The following ZEB2 variants were observed in gnomAD, a reference collection of about 807,000 sequenced individuals.
The protein encoded by ZEB2 is zinc finger E-box binding homeobox 2, also known as zinc finger E-box-binding homeobox 2.
Under a neutral mutation model 99.9 loss-of-function variants are expected in ZEB2, and 6 were observed. That is an observed-to-expected ratio of 0.06 (90% confidence interval 0.03 to 0.12). The LOEUF is 0.12. Among genes scored for constraint, ZEB2 ranks in the 10% least tolerant of loss-of-function variants. The pLI is 1.00. For missense variants in ZEB2, 969 were observed against 1,502.8 expected, an observed-to-expected ratio of 0.64 and a Z score of 5.87; for synonymous variants, 517 against 542.5, an observed-to-expected ratio of 0.95 and a Z score of 0.65.
chr2:144,394,989 CTTTTT>C (rs869207772), intron 9 of ZEB2, among the ~76,000 whole-genome samples: 1,804 of 85,214 alleles, frequency 0.021, 9 homozygotes, highest in Middle Eastern at 0.074. Context: ...CTTCCCTTCG[CTTTTT>C]TTTTTTTTTT....
In ZEB2 at chr2:144,399,695, G is replaced by T; in HGVS notation, c.1492C>A (p.Pro498Thr). 6.2e-7 allele frequency: 1 copy of T among 1,614,176 alleles called. No homozygotes were observed. The highest frequency in any genetic ancestry group is 8.5e-7 in the Non-Finnish European group (1 of 1,180,028). ...GGAGAAGTAACTCCTTGTTCCTCAGGTTGAGAGCATGGATCCTTCATGTGA... is the reference window on the plus strand; with the variant it reads ...GGAGAAGTAACTCCTTGTTCCTCAGTTTGAGAGCATGGATCCTTCATGTGA... ...GYHMKDPCSQ[P>T]EEQGVTSPNI... The change falls in exon 8 of 10, where the codon CCT becomes ACT. Residue 498 changes from proline to threonine, a missense_variant. Transcript: ENST00000627532. The surrounding 1 kb of genome is among the most constrained non-coding windows in gnomAD (Gnocchi z 5.6).
intron 2 of ZEB2, among the ~76,000 whole-genome samples, chr2:144,503,492 G>A (rs1232797878): frequency 2.0e-5 from 3 of 152,076 alleles, no homozygotes; most frequent in East Asian, 1.9e-4. Context: ...GCTAGAAAAC[G>A]GTTTGAAAGC....
At chr2:144,418,709 A>C (rs1005303047) in intron 4 of ZEB2, among the ~76,000 whole-genome samples, 3 of 144,312 alleles carry the variant, frequency 2.1e-5, no homozygotes, top group African/African-American at 7.6e-5. Context: ...AAACAAACAA[A>C]AAAAAAAAAA....
At chr2:144,432,983 G>A (rs896596618) in intron 2 of ZEB2, among the ~76,000 whole-genome samples, 10 of 152,178 alleles carry the variant, frequency 6.6e-5, no homozygotes, top group Admixed American at 4.6e-4. Flanking sequence ...CCCATATAAC[G>A]TAGCAAAGTT....
chr2:144,385,807 T>C lies in ZEB2; in HGVS notation c.*3644A>G, dbSNP rs994056865. On this transcript the variant is annotated 3_prime_UTR_variant, in exon 10 of 10. Coordinates refer to ENST00000627532, the MANE Select transcript of ZEB2 (RefSeq NM_014795.4). ...TTGCTTTTATTAAGGCTTACATTAT[T>C]AGAAAGATAAAAAATGACCTTTTTA... is the stretch of plus-strand genomic sequence containing the variant. 1.3e-5 allele frequency: 2 copies of C among 152,200 alleles called. No homozygotes were observed. The highest frequency in any genetic ancestry group is 4.8e-5 in the African/African-American group (2 of 41,468). The allele number at this position is 152,200 out of a possible 1,614,324, so 9.4% of individuals were successfully genotyped here. A position where few individuals can be genotyped will look rare whatever the true frequency, so the allele number is the denominator to read the frequency against.
At chr2:144,487,501 G>C (rs1573793425) in intron 2 of ZEB2, among the ~76,000 whole-genome samples, 1 of 151,686 alleles carries the variant, frequency 6.6e-6, no homozygotes, top group East Asian at 1.9e-4. Flanking sequence ...AAAAGGGAAA[G>C]GTAAAGAAAT....
At chr2:144,511,571 T>C (rs1376792195) in intron 2 of ZEB2, 28 of 1,279,886 alleles carry the variant, frequency 2.2e-5, no homozygotes, top group Non-Finnish European at 2.5e-5. Flanking sequence ...GAAGAAATAC[T>C]TGGATCTTAC....
At position 144,386,452 on chromosome 2, in the gene ZEB2, A is replaced by C. The variant is rs541917502; in HGVS notation, c.*2999T>G. ...GTCACAATTCACAAGTGTTATCCTG[A>C]TATTTTCAGACTCAGGTATTCTGAG... On this transcript the variant is annotated 3_prime_UTR_variant, in exon 10 of 10. Transcript: ENST00000627532. 1 of 152,282 alleles carries C rather than the reference A, an allele frequency of 6.6e-6. No homozygotes were observed. The highest frequency in any genetic ancestry group is 2.1e-4 in the South Asian group (1 of 4,818). 9.4% of individuals were successfully genotyped at this position (152,282 alleles called of 1,614,324 possible).
intron 4 of ZEB2, among the ~76,000 whole-genome samples, chr2:144,410,473 C>T (rs1159620864): frequency 6.6e-6 from 1 of 152,134 alleles, no homozygotes; most frequent in Non-Finnish European, 1.5e-5. Flanking sequence ...GCCTAAAATT[C>T]AAGCGATGTT....
chr2:144,432,395 A>C (rs1299384936), intron 2 of ZEB2, among the ~76,000 whole-genome samples: 1 of 152,180 alleles, frequency 6.6e-6, no homozygotes, highest in Non-Finnish European at 1.5e-5. Context: ...TCCATATGCC[A>C]TTATGCTGGT....
At chr2:144,445,832 G>A (rs1039129319) in intron 2 of ZEB2, among the ~76,000 whole-genome samples, 9 of 152,114 alleles carry the variant, frequency 5.9e-5, no homozygotes, top group Middle Eastern at 3.2e-3. Context: ...AGTATTCCTA[G>A]GACTTTCCAC....
At chr2:144,433,349 A>T (rs1042418396) in intron 2 of ZEB2, among the ~76,000 whole-genome samples, 3 of 152,188 alleles carry the variant, frequency 2.0e-5, no homozygotes, top group Non-Finnish European at 4.4e-5. Flanking sequence ...ATGCACCTAT[A>T]ATTATATACA....
intron 2 of ZEB2, among the ~76,000 whole-genome samples, chr2:144,455,400 T>C (rs1704108334): frequency 6.6e-6 from 1 of 152,158 alleles, no homozygotes; most frequent in African/African-American, 2.4e-5. Context: ...TCCATAGTAA[T>C]GTAGGTAAAA....
chr2:144,396,556 C>T lies in ZEB2; in HGVS notation c.2923G>A (p.Gly975Ser). Reference protein sequence around the residue: ...LLDGAQDYMSGLDDMTDSDSC... With the variant: ...LLDGAQDYMSSLDDMTDSDSC... ...TCGGAGTCTGTCATATCATCTAGGC[C>T]TGACATGTAGTCTTGTGCTCCATCA... Residue 975 changes from glycine (G) to serine (S), a missense_variant, in exon 9 of 10, where the codon GGC becomes AGC. By Grantham distance (56) the Gly-to-Ser change is moderately conservative (BLOSUM62 0). Around this residue, in one of 8 missense-constraint regions of ZEB2, gnomAD observed 346 missense variants for 460.0 expected, o/e 0.75. Coordinates refer to ENST00000627532, the MANE Select transcript of ZEB2 (RefSeq NM_014795.4). 1.9e-6 allele frequency: 3 copies of T among 1,613,978 alleles called. No homozygotes were observed. Among genetic ancestry groups the T allele is most frequent in the Non-Finnish European group, 2.5e-6 (3 of 1,179,984 alleles).
At chr2:144,408,206 T>C (rs182571508) in intron 4 of ZEB2, among the ~76,000 whole-genome samples, 3 of 152,324 alleles carry the variant, frequency 2.0e-5, no homozygotes, top group Admixed American at 6.5e-5. Context: ...ATTGAATATA[T>C]TGCCTAGAAA....
chr2:144,415,640 C>T (rs1339588236), intron 4 of ZEB2, among the ~76,000 whole-genome samples: 4 of 152,218 alleles, frequency 2.6e-5, no homozygotes, highest in African/African-American at 7.2e-5. Flanking sequence ...CCTTAATTCA[C>T]GCTACTGCTT....
rs2149879227 is a variant in ZEB2, at chr2:144,404,045, C to G, written c.678G>C (p.Leu226=). ...CGTGGCGGTACTTGATGTGCTCCTT[C>G]AGTGATGTCAAGCGCTTGTAGCCCC... The part of the protein sequence containing the change: ...CDRGYKRLTS[L]KEHIKYRHEK... The change falls in exon 6 of 10, where the codon CTG becomes CTC. Residue 226 remains leucine, a synonymous_variant. Transcript: ENST00000627532. The G allele has an allele frequency of 6.2e-7, 1 of 1,614,114 alleles. No individual in the cohort carries two copies. The highest frequency in any genetic ancestry group is 8.5e-7 in the Non-Finnish European group (1 of 1,180,028).
chr2:144,402,644 T>G (rs931549569), intron 6 of ZEB2, among the ~76,000 whole-genome samples: 1 of 152,224 alleles, frequency 6.6e-6, no homozygotes, highest in African/African-American at 2.4e-5. Flanking sequence ...CCATTCATAA[T>G]GCGCCAACAC....
At chr2:144,404,234 A>G (rs1009859850) in intron 5 of ZEB2, 104 bp from the exon 6 acceptor site, 22 of 1,284,482 alleles carry the variant, frequency 1.7e-5, no homozygotes, top group Non-Finnish European at 2.2e-5. Context: ...GAATCACTGC[A>G]ATCTGCTCCA....
Sources: allele counts gnomAD v4.1 joint callset (sites outside exome capture counted in the v4.1 genomes callset), GRCh38; gene constraint gnomAD v4.1.1; regional missense constraint gnomAD v4.1.1; non-coding constraint Gnocchi (gnomAD v3.1); transcripts MANE v1.5; gene names NCBI Gene and HGNC (gene_info 2026-07-23, HGNC 2026-07-21).